NEXN: variants seen among roughly 807,000 people sequenced by gnomAD.
NEXN encodes nexilin.
NEXN carries 65 observed loss-of-function variants against 92.6 expected under a neutral mutation model. The ratio of observed to expected loss-of-function variants is 0.70; its 90% CI spans 0.57 to 0.86. The LOEUF (loss-of-function observed/expected upper bound fraction) is 0.86. Among genes scored for constraint, NEXN ranks in the 40% least tolerant of loss-of-function variants. The pLI, the probability that NEXN is intolerant of heterozygous loss-of-function variation, is 0.00. For missense variants in NEXN, 778 were observed against 771.1 expected, an observed-to-expected ratio of 1.01 and a Z score of -0.11; for synonymous variants, 254 against 242.5, an observed-to-expected ratio of 1.05 and a Z score of -0.44.
chr1:77,917,679 A>G lies in NEXN; in HGVS notation c.141A>G (p.Gln47=), dbSNP rs1459232585. 3 of 1,612,950 alleles carry G rather than the reference A, an allele frequency of 1.9e-6. No individual in the cohort carries two copies. Residue 47 remains glutamine, a synonymous_variant, in exon 3 of 13, where the codon CAA becomes CAG. Coordinates refer to ENST00000334785, the MANE Select transcript of NEXN (RefSeq NM_144573.4). The stretch of plus-strand genomic sequence containing the variant: ...AGAGAGCCAGGGAAGAAAGAAATCA[A>G]AGGAGATCTAGAGACGAAAAACAAA... ...AMQRAREERN[Q]RRSRDEKQRR...
At chr1:77,909,334 C>T (rs949408927) in intron 1 of NEXN, among the ~76,000 whole-genome samples, 5 of 152,218 alleles carry the variant, frequency 3.3e-5, no homozygotes, top group East Asian at 1.9e-4. Flanking sequence ...GCAGAAGAAT[C>T]GCTTGAACCC....
chr1:77,922,344 T>A (rs75971991), intron 5 of NEXN, among the ~76,000 whole-genome samples: 14,073 of 151,406 alleles, frequency 0.093, 1,233 homozygotes, highest in African/African-American at 0.23. Flanking sequence ...TTAGCCAGGA[T>A]GGTCTCAATC....
At chr1:77,906,014 A>G (rs1028770890) in intron 1 of NEXN, among the ~76,000 whole-genome samples, 1 of 152,152 alleles carries the variant, frequency 6.6e-6, no homozygotes, top group Non-Finnish European at 1.5e-5. Context: ...GAAAAAGTGG[A>G]CAATGAGAAG....
chr1:77,917,937 CATTA>C lies in NEXN; in HGVS notation c.220-19_220-16del, dbSNP rs780428399. 3.1e-5 allele frequency: 49 copies of C among 1,589,890 alleles called. No homozygotes were observed. In the African/African-American group the frequency reaches 5.2e-4, roughly 17 times the overall value. ...AGTCTAATTTTTGGACATGTGCTCA[CATTA>C]ATTTATTTAACCATCTAGATTAAAG... On this transcript the variant is annotated intron_variant, in intron 3 of 12. Transcript: ENST00000334785.
At position 77,943,141 on chromosome 1, in the gene NEXN, T is replaced by C. The variant is rs1403197662; in HGVS notation, c.*312T>C. ...TGCAGTAACAGTCAATAAAATGTAC[T>C]TATGGGGGGGAATTACTCAATTATT... On this transcript the variant is annotated 3_prime_UTR_variant, in exon 13 of 13. Coordinates refer to ENST00000334785, the MANE Select transcript of NEXN (RefSeq NM_144573.4). The C allele has an allele frequency of 5.6e-6, 2 of 357,306 alleles. No homozygotes were observed. The highest frequency in any genetic ancestry group is 1.1e-5 in the Non-Finnish European group (2 of 184,602). The allele number at this position is 357,306 out of a possible 1,614,324, so 22.1% of individuals were successfully genotyped here. A position where few individuals can be genotyped will look rare whatever the true frequency, so the allele number is the denominator to read the frequency against.
Position 77,926,830 on chromosome 1 carries a change from G to C in NEXN, c.802G>C (p.Glu268Gln). Reference sequence around the variant, plus strand: ...AGAAAACCGAAAGAAGCAAGCTGAAGAGGAAGCAAGAAAACGTTTAGAAGA... The same window carrying C: ...AGAAAACCGAAAGAAGCAAGCTGAACAGGAAGCAAGAAAACGTTTAGAAGA... ...RQENRKKQAE[E>Q]EARKRLEEEK... Residue 268 changes from glutamate to glutamine, a missense_variant, in exon 8 of 13, where the codon GAG becomes CAG. Transcript: ENST00000334785. 1 of 1,614,016 alleles carries C rather than the reference G, an allele frequency of 6.2e-7. No homozygotes were observed. Among genetic ancestry groups the C allele is most frequent in the Admixed American group, 1.7e-5 (1 of 60,006 alleles).
chr1:77,935,774 G>A, intron 10 of NEXN, 49 bp from the exon 11 acceptor site: 1 of 1,534,346 alleles, frequency 6.5e-7, no homozygotes, highest in Non-Finnish European at 9.0e-7. Flanking sequence ...GCAACATAGT[G>A]AGACTCTCTC....
chr1:77,903,655 A>G (rs1647887723), intron 1 of NEXN, among the ~76,000 whole-genome samples: 1 of 152,210 alleles, frequency 6.6e-6, no homozygotes, highest in African/African-American at 2.4e-5. Flanking sequence ...AAAGCAGCAA[A>G]ATTAAGTTTA....
intron 5 of NEXN, among the ~76,000 whole-genome samples, chr1:77,919,702 C>G (rs549446060): frequency 6.6e-6 from 1 of 150,920 alleles, no homozygotes; most frequent in Non-Finnish European, 1.5e-5. Flanking sequence ...CAGGTTGAAG[C>G]GATTCTCCTG....
intron 11 of NEXN, among the ~76,000 whole-genome samples, chr1:77,938,975 CAAT>C (rs746404475): frequency 6.6e-6 from 1 of 152,246 alleles, no homozygotes; most frequent in African/African-American, 2.4e-5. Context: ...ATCTGGGCAA[CAAT>C]GTTAATAACT....
intron 11 of NEXN, among the ~76,000 whole-genome samples, chr1:77,938,768 CAGGT>C (rs1260459913): frequency 6.6e-6 from 1 of 151,918 alleles, no homozygotes; most frequent in African/African-American, 2.4e-5. Context: ...ATAAAAGTTG[CAGGT>C]AAAGAGGAGA....
chr1:77,924,447 A>G (rs1186000583), intron 5 of NEXN, among the ~76,000 whole-genome samples: 1 of 152,166 alleles, frequency 6.6e-6, no homozygotes, highest in Non-Finnish European at 1.5e-5. Flanking sequence ...GTTGTAAAAT[A>G]TAATCATGAC....
At chr1:77,895,288 G>A (rs1438588346) in intron 1 of NEXN, among the ~76,000 whole-genome samples, 1 of 151,382 alleles carries the variant, frequency 6.6e-6, no homozygotes, top group African/African-American at 2.4e-5. Context: ...CTCTTGATCC[G>A]CCCGCCTTGG....
At chr1:77,912,206 A>G (rs983366240) in intron 1 of NEXN, among the ~76,000 whole-genome samples, 3 of 152,204 alleles carry the variant, frequency 2.0e-5, no homozygotes, top group African/African-American at 7.2e-5. Flanking sequence ...TTACAGTAGT[A>G]TAAACAACTA....
At position 77,890,871 on chromosome 1, in the gene NEXN, G is replaced by T. The variant is rs181936663; in HGVS notation, c.-53+2112G>T. On this transcript the variant is annotated intron_variant, in intron 1 of 12. Transcript: ENST00000334785. Reference sequence around the variant, plus strand: ...GTCTAAACGTTTTTATAGAAGAGAGGACTGTTATTTTATAGTTATGTAGGC... The same window carrying T: ...GTCTAAACGTTTTTATAGAAGAGAGTACTGTTATTTTATAGTTATGTAGGC... Among the ~76,000 whole-genome samples, 606 of 152,046 alleles carry T rather than the reference G, an allele frequency of 4.0e-3. 5 individuals are homozygous for T. The highest frequency in any genetic ancestry group is 0.02 in the Middle Eastern group (6 of 294).
Position 77,910,505 on chromosome 1 carries a change from C to G in NEXN, c.-52-5550C>G, listed in dbSNP as rs549473975. ...CGGTGGCTAACGCCTGTAATCCCAG[C>G]ATTTTGGGAGGCCAAGGCAGGCGGA... On this transcript the variant is annotated intron_variant, in intron 1 of 12. Transcript: ENST00000334785. Among the ~76,000 whole-genome samples the G allele has an allele frequency of 1.9e-3, 296 of 152,230 alleles. 2 individuals carry two copies. Among genetic ancestry groups the G allele is most frequent in the Admixed American group, 3.9e-3 (59 of 15,294 alleles).
chr1:77,899,678 TAAAA>T (rs996811387), intron 1 of NEXN, among the ~76,000 whole-genome samples: 2 of 151,424 alleles, frequency 1.3e-5, no homozygotes, highest in East Asian at 1.9e-4. Context: ...AAATAAAAAA[TAAAA>T]AAACAAAAAA....
chr1:77,890,185 G>T (rs72685336), intron 1 of NEXN, among the ~76,000 whole-genome samples: 3 of 152,172 alleles, frequency 2.0e-5, no homozygotes, highest in Non-Finnish European at 4.4e-5. Context: ...AATTAACACC[G>T]TATTTTTGCA....
intron 1 of NEXN, among the ~76,000 whole-genome samples, chr1:77,910,545 C>T (rs1347973146): frequency 1.3e-5 from 2 of 151,854 alleles, no homozygotes; most frequent in African/African-American, 4.8e-5. Flanking sequence ...GAGGTCAGGA[C>T]TTCGAGATCA....
Sources: gnomAD v4.1 joint callset for allele counts (sites outside exome capture counted in the v4.1 genomes callset) on GRCh38, gnomAD v4.1.1 for gene constraint, MANE v1.5 for transcripts, NCBI Gene and HGNC (gene_info 2026-07-23, HGNC 2026-07-21) for gene names.